PALM2AKAP2: variants seen among roughly 807,000 people sequenced by gnomAD.
PALM2AKAP2 encodes the protein PALM2 and AKAP2 fusion, also known as PALM2-AKAP2 fusion protein.
Under a neutral mutation model 71.5 loss-of-function variants are expected in PALM2AKAP2, and 37 were observed. The ratio of observed to expected loss-of-function variants is 0.52; its 90% confidence interval spans 0.40 to 0.68. The LOEUF is 0.68. PALM2AKAP2 is among the 30% of genes least tolerant of loss of function. PALM2AKAP2 has a pLI of 0.00. For missense variants in PALM2AKAP2, 1,224 were observed against 1,191.8 expected, an observed-to-expected ratio of 1.03 and a Z score of -0.40; for synonymous variants, 468 against 478.8, an observed-to-expected ratio of 0.98 and a Z score of 0.29.
At chr9:110,142,354 A>G (rs1034110389) in intron 2 of PALM2AKAP2, among the ~76,000 whole-genome samples, 2 of 152,062 alleles carry the variant, frequency 1.3e-5, no homozygotes, top group African/African-American at 4.8e-5. Flanking sequence ...TGGCCTCCCA[A>G]AGTGCTAGGA....
intron 1 of PALM2AKAP2, among the ~76,000 whole-genome samples, chr9:109,737,435 A>C (rs550790503): frequency 6.6e-6 from 1 of 152,268 alleles, no homozygotes; most frequent in Non-Finnish European, 1.5e-5. Flanking sequence ...TTGATTGTAC[A>C]AAGTGTCACT....
chr9:109,936,126 A>T (rs760043602), intron 6 of PALM2AKAP2, among the ~76,000 whole-genome samples: 1 of 152,150 alleles, frequency 6.6e-6, no homozygotes, highest in African/African-American at 2.4e-5. Context: ...GTACATATTT[A>T]TGGGGTACAT....
At chr9:110,109,838 C>CA (rs2118929755) in intron 1 of PALM2AKAP2, among the ~76,000 whole-genome samples, 1 of 152,006 alleles carries the variant, frequency 6.6e-6, no homozygotes, top group Admixed American at 6.5e-5. Context: ...AGTTCAGTCT[C>CA]AAAAAACTAA....
intron 1 of PALM2AKAP2, among the ~76,000 whole-genome samples, chr9:110,135,767 A>T (rs1428866265): frequency 6.6e-6 from 1 of 152,228 alleles, no homozygotes; most frequent in South Asian, 2.1e-4. Context: ...CTGTTCATAC[A>T]AAAGGACCTT....
intron 1 of PALM2AKAP2, among the ~76,000 whole-genome samples, chr9:109,691,832 C>T (rs1202841274): frequency 8.0e-4 from 29 of 36,384 alleles, no homozygotes; most frequent in African/African-American, 2.3e-3. Context: ...TCCAGAAAGA[C>T]GATATATATA....
Position 110,021,569 on chromosome 9 carries a change from T to C in PALM2AKAP2, c.582+5530T>C, listed in dbSNP as rs565462466. Among the ~76,000 whole-genome samples, 3 of 152,342 alleles carry C rather than the reference T, an allele frequency of 2.0e-5. No individual in the cohort carries two copies. In the East Asian group the frequency reaches 5.8e-4, roughly 29 times the overall value. ...GAAGATCCACATAATTTTCTTATTTTACTCTACTTACCCTTATAAATTGTT... is the reference window on the plus strand; with the variant it reads ...GAAGATCCACATAATTTTCTTATTTCACTCTACTTACCCTTATAAATTGTT... On this transcript the variant is annotated intron_variant, in intron 7 of 9. Transcript: ENST00000302798.
At chr9:109,855,839 G>C (rs990200936) in intron 1 of PALM2AKAP2, among the ~76,000 whole-genome samples, 1 of 152,170 alleles carries the variant, frequency 6.6e-6, no homozygotes, top group African/African-American at 2.4e-5. Flanking sequence ...TTCTTCATGG[G>C]AGACTGATGG....
intron 1 of PALM2AKAP2, among the ~76,000 whole-genome samples, chr9:109,655,189 G>A (rs1323375948): frequency 2.0e-5 from 3 of 151,844 alleles, no homozygotes; most frequent in Non-Finnish European, 2.9e-5. Flanking sequence ...CCAGCTACTC[G>A]GGAGGCTGAG....
intron 6 of PALM2AKAP2, among the ~76,000 whole-genome samples, chr9:109,968,463 G>C (rs1256327677): frequency 6.6e-6 from 1 of 152,302 alleles, no homozygotes; most frequent in East Asian, 1.9e-4. Context: ...AGATCTCTCA[G>C]TGAAAGGTTT....
chr9:110,006,818 A>G (rs1011691489), intron 6 of PALM2AKAP2, among the ~76,000 whole-genome samples: 1 of 152,074 alleles, frequency 6.6e-6, no homozygotes, highest in Non-Finnish European at 1.5e-5. Context: ...CCCCCTACCT[A>G]TTCCTGTCGT....
chr9:109,730,906 A>G (rs1322271), intron 1 of PALM2AKAP2, among the ~76,000 whole-genome samples: 39,737 of 147,624 alleles, frequency 0.27, 5,392 homozygotes, highest in East Asian at 0.38. Context: ...TTGCCAGTGG[A>G]AAAAAAAAAA....
At chr9:109,687,185 T>C (rs1587867778) in intron 1 of PALM2AKAP2, among the ~76,000 whole-genome samples, 1 of 152,174 alleles carries the variant, frequency 6.6e-6, no homozygotes, top group Non-Finnish European at 1.5e-5. Flanking sequence ...ATTTGGGGGA[T>C]AGTCAATGAG....
rs1216616310 is a variant in PALM2AKAP2 at position 110,032,734 on chromosome 9, AT to A, written c.582+16696del. Among the ~76,000 whole-genome samples, 351 of 146,920 alleles carry A rather than the reference AT, an allele frequency of 2.4e-3. 1 individual carries two copies. The highest frequency in any genetic ancestry group is 7.0e-3 in the Middle Eastern group (2 of 284). On this transcript the variant is annotated intron_variant, in intron 7 of 9. Coordinates refer to the PALM2AKAP2 transcript ENST00000302798. ...AATAAATAAATAAATAAATAAATAA[AT>A]AAATAAAATAAAAAATAAAAAAACA... is the stretch of plus-strand genomic sequence containing the variant.
intron 3 of PALM2AKAP2, among the ~76,000 whole-genome samples, chr9:110,167,118 A>G (rs1158880212): frequency 6.6e-6 from 1 of 152,222 alleles, no homozygotes; most frequent in Non-Finnish European, 1.5e-5. Flanking sequence ...TCACGAGAAC[A>G]GCATGGGAAA....
intron 3 of PALM2AKAP2, among the ~76,000 whole-genome samples, chr9:109,896,530 G>A (rs1830207504): frequency 6.6e-6 from 1 of 152,132 alleles, no homozygotes; most frequent in Admixed American, 6.5e-5. Flanking sequence ...CATTATTCAG[G>A]CCAGGCATAG....
chr9:110,032,100 T>G (rs543071905), intron 7 of PALM2AKAP2, among the ~76,000 whole-genome samples: 139 of 151,048 alleles, frequency 9.2e-4, no homozygotes, highest in Admixed American at 8.1e-3. Flanking sequence ...TCCTTGAATC[T>G]GGAGAAATTA....
intron 6 of PALM2AKAP2, chr9:109,945,004 T>A (rs893260617): frequency 3.3e-5 from 5 of 152,178 alleles, no homozygotes; most frequent in African/African-American, 9.6e-5. Flanking sequence ...CAGTCTAACT[T>A]CTGTGGAAAG....
At chr9:109,817,031 C>T (rs1480852239) in intron 1 of PALM2AKAP2, among the ~76,000 whole-genome samples, 1 of 152,162 alleles carries the variant, frequency 6.6e-6, no homozygotes, top group African/African-American at 2.4e-5. Flanking sequence ...TTATTTACCC[C>T]TACCGAGTTT....
chr9:109,677,258 G>A (rs900445527), intron 1 of PALM2AKAP2, among the ~76,000 whole-genome samples: 5 of 152,202 alleles, frequency 3.3e-5, no homozygotes, highest in Admixed American at 3.3e-4. Flanking sequence ...AACTTACTCT[G>A]TGATTCACAG....
Sources: gnomAD v4.1 joint callset for allele counts (sites outside exome capture counted in the v4.1 genomes callset) on GRCh38, gnomAD v4.1.1 for gene constraint, MANE v1.5 for transcripts, NCBI Gene and HGNC (gene_info 2026-07-23, HGNC 2026-07-21) for gene names.